FANCB: variants seen among roughly 807,000 people sequenced by gnomAD.
FANCB encodes FA complementation group B, also known as Fanconi anemia group B protein.
Under a neutral mutation model 38.9 loss-of-function variants are expected in FANCB, and 5 were observed. The observed-to-expected ratio is 0.13, with a 90% confidence interval of 0.07 to 0.27. The LOEUF (loss-of-function observed/expected upper bound fraction) is 0.27, where lower values mean the gene tolerates loss of function less well. FANCB is among the 10% of genes least tolerant of loss of function. The probability of loss-of-function intolerance (pLI) is 1.00; values close to 1 mark genes in which losing one functional copy is unlikely to be tolerated. For synonymous variants in FANCB, 236 were observed against 215.4 expected (o/e 1.10, Z -0.84); for missense variants, 573 against 602.7 (o/e 0.95, Z 0.52).
chrX:14,691,328 CGCGT>C, the FANCB span, among the ~76,000 whole-genome samples: 25,237 of 99,933 alleles, frequency 0.25, 2,454 homozygotes, highest in Non-Finnish European at 0.3. Context: ...TGTGTGTGCG[CGCGT>C]GCGTGCGTGT....
the FANCB span, among the ~76,000 whole-genome samples, chrX:14,815,303 A>G: frequency 1.8e-5 from 2 of 110,506 alleles, no homozygotes; most frequent in Non-Finnish European, 3.8e-5. Context: ...CATGTACCCT[A>G]GAACTTAAAG....
the FANCB span, among the ~76,000 whole-genome samples, chrX:14,714,182 CA>C: frequency 9.1e-6 from 1 of 110,407 alleles, no homozygotes; most frequent in Non-Finnish European, 1.9e-5. Flanking sequence ...CTAGAATATT[CA>C]GACTTTCCAC....
At chrX:14,690,360 G>A in the FANCB span, among the ~76,000 whole-genome samples, 1 of 111,418 alleles carries the variant, frequency 9.0e-6, no homozygotes, top group African/African-American at 3.3e-5. Flanking sequence ...ACACATCATG[G>A]AATGTCTAAA....
the FANCB span, among the ~76,000 whole-genome samples, chrX:14,802,200 G>A: frequency 9.0e-6 from 1 of 111,646 alleles, no homozygotes; most frequent in African/African-American, 3.3e-5. Context: ...ACAACTAGGA[G>A]TTTGCCAGTC....
the FANCB span, among the ~76,000 whole-genome samples, chrX:14,769,176 T>C: frequency 9.0e-6 from 1 of 111,688 alleles, no homozygotes; most frequent in Non-Finnish European, 1.9e-5. Context: ...GCTGGCCTCA[T>C]AGAGTGAGTT....
At chrX:14,712,507 A>G in the FANCB span, among the ~76,000 whole-genome samples, 1 of 100,760 alleles carries the variant, frequency 9.9e-6, no homozygotes, top group Non-Finnish European at 2.0e-5. Context: ...CTCTTAATTG[A>G]AAAAAAAAAA....
chrX:14,781,205 G>A, the FANCB span, among the ~76,000 whole-genome samples: 1 of 106,118 alleles, frequency 9.4e-6, no homozygotes, highest in Non-Finnish European at 1.9e-5. Context: ...TCAGGTGGGC[G>A]GATCACTTGA....
In FANCB at chrX:14,864,627, C is replaced by T. The variant is rs1270593506; in HGVS notation, c.884G>A (p.Gly295Glu). Reference sequence around the variant, plus strand: ...AAAGGATACAACGAAAAAGAGGTTTCCTCCACCTGAATCCATAAGTTGAAC... The same window carrying T: ...AAAGGATACAACGAAAAAGAGGTTTTCTCCACCTGAATCCATAAGTTGAAC... ...CAVQLMDSGGGNLFFVVSFIS... is the reference protein window; with the variant it reads ...CAVQLMDSGGENLFFVVSFIS... Residue 295 changes from glycine (G) to glutamate (E), a missense_variant, in exon 3 of 10, where the codon GGA (glycine) becomes GAA (glutamate). Gly to Glu is a moderately conservative substitution (Grantham distance 98). Transcript: ENST00000650831. 7 of 1,207,547 alleles carry T rather than the reference C, an allele frequency of 5.8e-6. No individual in the cohort carries two copies. The highest frequency in any genetic ancestry group is 7.8e-6 in the Non-Finnish European group (7 of 892,726).
At chrX:14,750,025 A>G in the FANCB span, among the ~76,000 whole-genome samples, 2 of 112,466 alleles carry the variant, frequency 1.8e-5, no homozygotes, top group African/African-American at 6.5e-5. Flanking sequence ...GGATAAAATA[A>G]CATAAAAATT....
At chrX:14,815,463 T>C in the FANCB span, among the ~76,000 whole-genome samples, 2 of 111,420 alleles carry the variant, frequency 1.8e-5, no homozygotes, top group African/African-American at 6.5e-5. Flanking sequence ...ATCAGATAAA[T>C]GCAAATTAAA....
At chrX:14,764,115 C>A in the FANCB span, among the ~76,000 whole-genome samples, 1 of 111,652 alleles carries the variant, frequency 9.0e-6, no homozygotes, top group African/African-American at 3.3e-5. Context: ...TTTCATAAAT[C>A]CAGGCAGAGA....
chrX:14,691,362 CT>C, the FANCB span, among the ~76,000 whole-genome samples: 1 of 105,397 alleles, frequency 9.5e-6, no homozygotes, highest in South Asian at 4.3e-4. Context: ...ATCTGATTGA[CT>C]TTTTTTCATC....
chrX:14,805,160 G>C, the FANCB span, among the ~76,000 whole-genome samples: 1 of 110,980 alleles, frequency 9.0e-6, no homozygotes, highest in African/African-American at 3.3e-5. Flanking sequence ...ACTTCTCCCT[G>C]AGCCCACCAT....
the FANCB span, among the ~76,000 whole-genome samples, chrX:14,737,312 T>A: frequency 6.2e-5 from 7 of 112,269 alleles, no homozygotes; most frequent in African/African-American, 2.3e-4. Flanking sequence ...GTAGAGGTAA[T>A]TCGTGTTGAC....
chrX:14,803,842 T>C, the FANCB span, among the ~76,000 whole-genome samples: 1 of 111,601 alleles, frequency 9.0e-6, no homozygotes. Flanking sequence ...CAGACACTTC[T>C]CAAAAGAAGA....
chrX:14,830,203 GA>G, the FANCB span, among the ~76,000 whole-genome samples: 1 of 111,676 alleles, frequency 9.0e-6, no homozygotes, highest in African/African-American at 3.3e-5. Context: ...TGGCACCCCA[GA>G]ACAATTACAA....
At chrX:14,710,654 T>C in the FANCB span, among the ~76,000 whole-genome samples, 9 of 111,955 alleles carry the variant, frequency 8.0e-5, no homozygotes, top group African/African-American at 2.9e-4. Flanking sequence ...TGAACTGAAC[T>C]GTTGTTACGG....
At chrX:14,725,523 G>A in the FANCB span, among the ~76,000 whole-genome samples, 1 of 112,015 alleles carries the variant, frequency 8.9e-6, no homozygotes, top group Non-Finnish European at 1.9e-5. Flanking sequence ...AAATCTGGGT[G>A]AGAAATGCGA....
rs1309521740 is a variant in FANCB, at chrX:14,850,733, A to C, written c.1327-59T>G. On this transcript the variant is annotated intron_variant, in intron 6 of 9. Transcript: ENST00000650831. ...ATACGTACCGTCTGTAGCAAAACTA[A>C]AAAAAAAAAAAAGTTAAGTGTGCTT... The C allele has an allele frequency of 4.6e-5, 25 of 546,905 alleles. No homozygotes were observed. In the Middle Eastern group the frequency reaches 1.6e-3, roughly 36 times the overall value. 45.1% of individuals were successfully genotyped at this position (546,905 alleles called of 1,213,427 possible).
Sources: allele counts gnomAD v4.1 joint callset (sites outside exome capture counted in the v4.1 genomes callset), GRCh38; gene constraint gnomAD v4.1.1; transcripts MANE v1.5; gene names NCBI Gene and HGNC (gene_info 2026-07-23, HGNC 2026-07-21).